The following LRRC41 variants were observed in gnomAD, a reference collection of about 807,000 sequenced individuals.
LRRC41 encodes the protein leucine rich repeat containing 41.
LRRC41 carries 17 observed loss-of-function variants against 72.1 expected under a neutral mutation model. The observed-to-expected ratio is 0.24, with a 90% confidence interval of 0.16 to 0.35. LRRC41 has a LOEUF of 0.35. LRRC41 is among the 10% of genes least tolerant of loss of function. LRRC41 has a pLI of 1.00. For missense variants in LRRC41, 759 were observed against 1,065.0 expected (o/e 0.71, Z 4.00); for synonymous variants, 427 against 431.0 (o/e 0.99, Z 0.11).
chr1:46,282,112 A>G (rs1465295045), intron 4 of LRRC41, among the ~76,000 whole-genome samples: 1 of 152,130 alleles, frequency 6.6e-6, no homozygotes, highest in East Asian at 1.9e-4. Flanking sequence ...GGAGAGTGCA[A>G]GGCATGAATG....
At chr1:46,291,147 A>G (rs1259378275) in intron 3 of LRRC41, among the ~76,000 whole-genome samples, 1 of 145,708 alleles carries the variant, frequency 6.9e-6, no homozygotes, top group Non-Finnish European at 1.5e-5. Context: ...CTGGTCTTGA[A>G]CTCCTGACCT....
chr1:46,302,222 CGCGCCCCCTGCCACGGCAGCCCGG>C lies in LRRC41; in HGVS notation c.199+878_199+901del. The C allele has an allele frequency of 5.1e-6, 5 of 985,420 alleles. No homozygotes were observed. The highest frequency in any genetic ancestry group is 6.0e-6 in the Non-Finnish European group (5 of 829,912). The allele number at this position is 985,420 out of a possible 1,614,324, so 61.0% of individuals were successfully genotyped here. ...TCAGCCCAAGGCCTCTTGGCGGCGC[CGCGCCCCCTGCCACGGCAGCCCGG>C]CAGTCCGGGATCCCCGGGCCGTCGC... On this transcript the variant is annotated intron_variant, in intron 1 of 9. Coordinates refer to ENST00000617190, the MANE Select transcript of LRRC41 (RefSeq NM_006369.5). The surrounding 1 kb of genome is among the most constrained non-coding windows in gnomAD (Gnocchi z 4.7).
rs1342849297 is a variant in LRRC41 at position 46,302,215 on chromosome 1, G to C, written c.199+909C>G. The C allele has an allele frequency of 1.0e-6, 1 of 985,368 alleles. No individual in the cohort carries two copies. The allele number at this position is 985,368 out of a possible 1,614,324, so 61.0% of individuals were successfully genotyped here. ...CTCCCATTCAGCCCAAGGCCTCTTG[G>C]CGGCGCCGCGCCCCCTGCCACGGCA... On this transcript the variant is annotated intron_variant, in intron 1 of 9. Coordinates refer to ENST00000617190, the MANE Select transcript of LRRC41 (RefSeq NM_006369.5). This position sits in a 1 kb window ranked among gnomAD's most constrained non-coding sequence, Gnocchi z 4.7.
intron 1 of LRRC41, 22 bp downstream of exon 1, chr1:46,303,102 A>G: frequency 1.5e-6 from 2 of 1,364,520 alleles, no homozygotes; most frequent in East Asian, 2.9e-5. Context: ...AGCCAGAGGT[A>G]GCCCCTCACC....
chr1:46,303,417 A>AATGTGAATT lies in LRRC41; in HGVS notation c.-104_-96dup, dbSNP rs1280420432. 2.6e-6 allele frequency: 3 copies of AATGTGAATT among 1,159,562 alleles called. No homozygotes were observed. The highest frequency in any genetic ancestry group is 2.3e-6 in the Non-Finnish European group (2 of 851,630). The allele number at this position is 1,159,562 out of a possible 1,614,324, so 71.8% of individuals were successfully genotyped here. A position where few individuals can be genotyped will look rare whatever the true frequency, so the allele number is the denominator to read the frequency against. On this transcript the variant is annotated 5_prime_UTR_variant, in exon 1 of 10. Transcript: ENST00000617190. ...CGGCTCCATAAGCGATATGGGGAAG[A>AATGTGAATT]ATGTGAATTATTCTAAAGAAATTTC... is the stretch of plus-strand genomic sequence containing the variant.
At chr1:46,296,082 C>T (rs1321196266) in intron 3 of LRRC41, among the ~76,000 whole-genome samples, 1 of 152,186 alleles carries the variant, frequency 6.6e-6, no homozygotes, top group Non-Finnish European at 1.5e-5. Flanking sequence ...CACCACTTAT[C>T]CTATCATATG....
chr1:46,291,767 C>T (rs1661024641), intron 3 of LRRC41, among the ~76,000 whole-genome samples: 1 of 151,294 alleles, frequency 6.6e-6, no homozygotes, highest in African/African-American at 2.4e-5. Context: ...ACCATATTGG[C>T]CAGGCTGGTC....
At chr1:46,282,901 C>T (rs1452598763) in intron 4 of LRRC41, among the ~76,000 whole-genome samples, 1 of 151,816 alleles carries the variant, frequency 6.6e-6, no homozygotes, top group African/African-American at 2.4e-5. Context: ...GGCATGGTGG[C>T]ATGTGCCTGT....
At chr1:46,293,730 C>T (rs768067120) in intron 3 of LRRC41, among the ~76,000 whole-genome samples, 30 of 150,432 alleles carry the variant, frequency 2.0e-4, no homozygotes, top group Admixed American at 7.3e-4. Context: ...CCACCACGCC[C>T]GGCTAATTTT....
chr1:46,294,267 C>G (rs895504760), intron 3 of LRRC41, among the ~76,000 whole-genome samples: 1 of 151,950 alleles, frequency 6.6e-6, no homozygotes, highest in Non-Finnish European at 1.5e-5. Context: ...AACACCACAA[C>G]AGGATAATTT....
intron 4 of LRRC41, among the ~76,000 whole-genome samples, chr1:46,283,983 T>C (rs1481113842): frequency 6.6e-6 from 1 of 151,674 alleles, no homozygotes; most frequent in Non-Finnish European, 1.5e-5. Flanking sequence ...TTTTTTAAGG[T>C]AGTGAAAAAA....
chr1:46,277,615 A>AGAC lies in LRRC41; in HGVS notation c.*1247_*1249dup. 1 of 634,784 alleles carries AGAC rather than the reference A, an allele frequency of 1.6e-6. No homozygotes were observed. The highest frequency in any genetic ancestry group is 2.7e-6 in the Non-Finnish European group (1 of 367,226). The allele number at this position is 634,784 out of a possible 1,614,324, so 39.3% of individuals were successfully genotyped here. Reference sequence around the variant, plus strand: ...AGTATAGAAAGTAGCCTGGGTGGGCAGACTATTCATGTCATGTTCTCAGGA... The same window carrying AGAC: ...AGTATAGAAAGTAGCCTGGGTGGGCAGACGACTATTCATGTCATGTTCTCAGGA... On this transcript the variant is annotated 3_prime_UTR_variant, in exon 10 of 10. Transcript: ENST00000617190.
Position 46,285,627 on chromosome 1 carries a change from A to C in LRRC41, c.1230T>G (p.Ser410=). 6.2e-7 allele frequency: 1 copy of C among 1,614,140 alleles called. No individual in the cohort carries two copies. The highest frequency in any genetic ancestry group is 1.3e-5 in the African/African-American group (1 of 75,054). ...ARTRQGPGAE[S]EDLYDFVFIV... Reference sequence around the variant, plus strand: ...TAAAAACGAAGTCATACAGGTCTTCAGACTCTGCACCAGGCCCCTGACGGG... The same window carrying C: ...TAAAAACGAAGTCATACAGGTCTTCCGACTCTGCACCAGGCCCCTGACGGG... The change falls in exon 4 of 10, where the codon TCT becomes TCG. Residue 410 remains serine (S), a synonymous_variant. Coordinates refer to ENST00000617190, the MANE Select transcript of LRRC41 (RefSeq NM_006369.5). This position sits in a 1 kb window ranked among gnomAD's most constrained non-coding sequence, Gnocchi z 5.3.
intron 1 of LRRC41, among the ~76,000 whole-genome samples, chr1:46,301,789 TC>T (rs920962657): frequency 1.3e-5 from 2 of 151,378 alleles, no homozygotes; most frequent in African/African-American, 4.9e-5. Flanking sequence ...TGGTGGAACC[TC>T]CCCCGCGCCG....
At chr1:46,287,946 T>G (rs1195048591) in intron 3 of LRRC41, among the ~76,000 whole-genome samples, 1 of 152,248 alleles carries the variant, frequency 6.6e-6, no homozygotes, top group African/African-American at 2.4e-5. Flanking sequence ...TATTCTGCAC[T>G]TGATCTTAGC....
At position 46,302,093 on chromosome 1, in the gene LRRC41, C is replaced by T; in HGVS notation, c.199+1031G>A. 2.0e-6 allele frequency: 2 copies of T among 985,308 alleles called. No homozygotes were observed. The highest frequency in any genetic ancestry group is 4.7e-5 in the South Asian group (1 of 21,282). The allele number at this position is 985,308 out of a possible 1,614,324, so 61.0% of individuals were successfully genotyped here. ...CGCCTCCCAGCCCAACTGGCCGGTTCGCCCTCCCCGGCCGTTCATCCCGGC... is the reference window on the plus strand; with the variant it reads ...CGCCTCCCAGCCCAACTGGCCGGTTTGCCCTCCCCGGCCGTTCATCCCGGC... On this transcript the variant is annotated intron_variant, in intron 1 of 9. Transcript: ENST00000617190. The surrounding 1 kb of genome is among the most constrained non-coding windows in gnomAD (Gnocchi z 4.7).
intron 1 of LRRC41, among the ~76,000 whole-genome samples, chr1:46,301,693 G>C (rs1294729727): frequency 2.6e-5 from 4 of 151,492 alleles, no homozygotes; most frequent in African/African-American, 9.7e-5. Flanking sequence ...TCCGCGCCCT[G>C]CAACCTCGAG....
At chr1:46,283,050 A>G (rs1044889515) in intron 4 of LRRC41, among the ~76,000 whole-genome samples, 1 of 151,934 alleles carries the variant, frequency 6.6e-6, no homozygotes, top group Non-Finnish European at 1.5e-5. Context: ...AGATACAACT[A>G]TAGAGATAAC....
At chr1:46,282,441 A>G (rs1166486941) in intron 4 of LRRC41, among the ~76,000 whole-genome samples, 1 of 152,192 alleles carries the variant, frequency 6.6e-6, no homozygotes, top group East Asian at 1.9e-4. Flanking sequence ...CCTACTAAAT[A>G]TCAAGTTTTT....
Sources: allele counts gnomAD v4.1 joint callset (sites outside exome capture counted in the v4.1 genomes callset), GRCh38; gene constraint gnomAD v4.1.1; non-coding constraint Gnocchi (gnomAD v3.1); transcripts MANE v1.5; gene names NCBI Gene and HGNC (gene_info 2026-07-23, HGNC 2026-07-21).